The following VTI1B variants were observed in gnomAD, a reference collection of about 807,000 sequenced individuals.
VTI1B encodes the protein vesicle transport through interaction with t-SNAREs 1B.
In VTI1B, 18 loss-of-function variants were observed where a neutral mutation model predicts 28.6. That is an observed-to-expected ratio of 0.63 (90% CI 0.43 to 0.93). The LOEUF is 0.93. Ranked by LOEUF, VTI1B falls within the 40% of genes least tolerant of loss-of-function variation. VTI1B has a pLI of 0.00. For missense variants in VTI1B, 283 were observed against 297.0 expected, an observed-to-expected ratio of 0.95 and a Z score of 0.35; for synonymous variants, 100 against 107.9, an observed-to-expected ratio of 0.93 and a Z score of 0.46.
rs1364108257 is a variant in VTI1B at position 67,648,296 on chromosome 14, C to T, written c.*3089G>A. The T allele has an allele frequency of 1.2e-5, 15 of 1,274,748 alleles. No individual in the cohort carries two copies. The highest frequency in any genetic ancestry group is 1.6e-5 in the Non-Finnish European group (15 of 943,478). The allele number at this position is 1,274,748 out of a possible 1,614,324, so 79.0% of individuals were successfully genotyped here. The stretch of plus-strand genomic sequence containing the variant: ...CACATCATTGCAGAGTTTGTTTTTG[C>T]TTAAACTTTTGTAGCTAAAAATTAT... On this transcript the variant is annotated 3_prime_UTR_variant, in exon 6 of 6. Coordinates refer to ENST00000554659, the MANE Select transcript of VTI1B (RefSeq NM_006370.3).
chr14:67,672,885 C>T (rs1026418856), intron 1 of VTI1B, among the ~76,000 whole-genome samples: 3 of 152,232 alleles, frequency 2.0e-5, no homozygotes, highest in Middle Eastern at 3.2e-3. Flanking sequence ...CCCTGCTTAT[C>T]GCTCTCCTTT....
intron 1 of VTI1B, among the ~76,000 whole-genome samples, chr14:67,667,892 C>T (rs1489156983): frequency 6.6e-6 from 1 of 151,946 alleles, no homozygotes; most frequent in East Asian, 1.9e-4. Context: ...TGCAGTGAGC[C>T]GAGATCGCGC....
At chr14:67,664,534 T>C (rs2037377579) in intron 1 of VTI1B, among the ~76,000 whole-genome samples, 1 of 151,534 alleles carries the variant, frequency 6.6e-6, no homozygotes, top group South Asian at 2.1e-4. Context: ...TCTTGCTCTG[T>C]CTCCCAGGCT....
intron 1 of VTI1B, among the ~76,000 whole-genome samples, chr14:67,662,760 C>T (rs370950776): frequency 6.6e-6 from 1 of 151,914 alleles, no homozygotes; most frequent in Non-Finnish European, 1.5e-5. Flanking sequence ...AAAAATTAGC[C>T]GGGCGTGGTG....
chr14:67,672,859 GCCCTA>G (rs2037485844), intron 1 of VTI1B, among the ~76,000 whole-genome samples: 1 of 152,136 alleles, frequency 6.6e-6, no homozygotes, highest in African/African-American at 2.4e-5. Flanking sequence ...GGTCCACAAG[GCCCTA>G]CATGATCTGG....
In VTI1B at chr14:67,656,480, A is replaced by G; in HGVS notation, c.476T>C (p.Ile159Thr). ...SHRIATETDQIGSEIIEELGE... is the reference protein window; with the variant it reads ...SHRIATETDQTGSEIIEELGE... ...CAGCTCTTCTATGATTTCTGAGCCAATCTGGTCAGTCTCTGTGGCAATCCG... is the reference window on the plus strand; with the variant it reads ...CAGCTCTTCTATGATTTCTGAGCCAGTCTGGTCAGTCTCTGTGGCAATCCG... Residue 159 changes from isoleucine (I) to threonine (T), a missense_variant, in exon 4 of 6, where the codon ATT becomes ACT. Coordinates refer to ENST00000554659, the MANE Select transcript of VTI1B (RefSeq NM_006370.3). The G allele has an allele frequency of 1.2e-6, 2 of 1,613,494 alleles. No individual in the cohort carries two copies. The highest frequency in any genetic ancestry group is 1.7e-6 in the Non-Finnish European group (2 of 1,179,738).
intron 4 of VTI1B, among the ~76,000 whole-genome samples, 157 bp downstream of exon 4, chr14:67,656,259 A>C (rs2037255824): frequency 6.6e-6 from 1 of 152,012 alleles, no homozygotes; most frequent in African/African-American, 2.4e-5. Flanking sequence ...AAAAAAAAAA[A>C]AATTAATAAA....
At position 67,651,415 on chromosome 14, in the gene VTI1B, C is replaced by T. The variant is rs15493; in HGVS notation, c.669G>A (p.Leu223=). The stretch of plus-strand genomic sequence containing the variant: ...GGCTGCGAAAGAATTTGTAGTAAAC[C>T]AGGCCTCCCAGGATGGCGAGCTCCA... The part of the protein sequence containing the change: ...ILLELAILGG[L]VYYKFFRSH The change falls in exon 6 of 6, where the codon CTG becomes CTA. Residue 223 remains leucine, a synonymous_variant. Coordinates refer to ENST00000554659, the MANE Select transcript of VTI1B (RefSeq NM_006370.3). The T allele has an allele frequency of 0.06, 97,471 of 1,613,766 alleles. 5,094 individuals carry two copies. The highest frequency in any genetic ancestry group is 0.23 in the East Asian group (10,325 of 44,836).
chr14:67,658,427 T>C (rs2037293340), intron 3 of VTI1B, among the ~76,000 whole-genome samples: 1 of 151,960 alleles, frequency 6.6e-6, no homozygotes. Flanking sequence ...ACCCCGTCTC[T>C]ACTAAAAGTA....
At position 67,659,760 on chromosome 14, in the gene VTI1B, C is replaced by T; in HGVS notation, c.337G>A (p.Gly113Ser). The change falls in exon 3 of 6, where the codon GGC becomes AGC. Residue 113 changes from glycine (G) to serine (S), a missense_variant. Gly to Ser is a moderately conservative substitution (Grantham distance 56, BLOSUM62 0). Transcript: ENST00000554659. ...TPGGRGDMKYGIYAVENEHMN... is the reference protein window; with the variant it reads ...TPGGRGDMKYSIYAVENEHMN... ...TGCTCATTCTCTACAGCATATATGC[C>T]ATATTTCATGTCTCCTCGGCCTCCA... 8 of 1,613,530 alleles carry T rather than the reference C, an allele frequency of 5.0e-6. No individual in the cohort carries two copies. The East Asian group carries it at 1.3e-4, about 27-fold the overall frequency.
Position 67,651,264 on chromosome 14 carries a change from C to CTA in VTI1B, c.*119_*120dup. 1.3e-6 allele frequency: 2 copies of CTA among 1,572,884 alleles called. No individual in the cohort carries two copies. The highest frequency in any genetic ancestry group is 1.7e-6 in the Non-Finnish European group (2 of 1,160,324). On this transcript the variant is annotated 3_prime_UTR_variant, in exon 6 of 6. Transcript: ENST00000554659. ...TTTCCTCCCTCCTCCCACAGCCTGG[C>CTA]TATACAGTGCATCCTTGAACTGTCA...
chr14:67,667,898 C>T (rs779927501), intron 1 of VTI1B, among the ~76,000 whole-genome samples: 2 of 151,998 alleles, frequency 1.3e-5, no homozygotes, highest in African/African-American at 2.4e-5. Context: ...GAGCCGAGAT[C>T]GCGCCACTGC....
intron 1 of VTI1B, among the ~76,000 whole-genome samples, chr14:67,671,797 T>C (rs546614278): frequency 6.6e-6 from 1 of 152,170 alleles, no homozygotes; most frequent in Non-Finnish European, 1.5e-5. Flanking sequence ...TGGCAGAAGA[T>C]GGAAGGGCAA....
chr14:67,659,908 C>T lies in VTI1B; in HGVS notation c.189G>A (p.Glu63=). 2 of 1,613,188 alleles carry T rather than the reference C, an allele frequency of 1.2e-6. No homozygotes were observed. Among genetic ancestry groups the T allele is most frequent in the East Asian group, 2.2e-5 (1 of 44,858 alleles). The change falls in exon 3 of 6, where the codon GAG becomes GAA. Residue 63 remains glutamate, a synonymous_variant. Coordinates refer to ENST00000554659, the MANE Select transcript of VTI1B (RefSeq NM_006370.3). The stretch of plus-strand genomic sequence containing the variant: ...ACAGGGGTGCATAACGTAGCTCCTC[C>T]TCCATCTCTGCCAGCTGGGAAGGCA... The part of the protein sequence containing the change: ...QEANETLAEM[E]EELRYAPLSF...
chr14:67,662,676 C>T (rs1303202635), intron 1 of VTI1B, 141 bp from the exon 2 acceptor site: 5 of 758,420 alleles, frequency 6.6e-6, no homozygotes, highest in Non-Finnish European at 1.0e-5. Flanking sequence ...GAGGCCAAGG[C>T]AGGTGGATCA....
rs2037350871 is a variant in VTI1B at position 67,662,550 on chromosome 14, TAA to T, written c.116-17_116-16del. On this transcript the variant is annotated splice_polypyrimidine_tract_variant and intron_variant, in intron 1 of 5. Coordinates refer to ENST00000554659, the MANE Select transcript of VTI1B (RefSeq NM_006370.3). ...CTTCTTTTCTTCTAGAAAAGATAGATAAGTTTCAAATGCTTATTACTGTTTCC... is the reference window on the plus strand; with the variant it reads ...CTTCTTTTCTTCTAGAAAAGATAGATGTTTCAAATGCTTATTACTGTTTCC... The T allele has an allele frequency of 6.2e-7, 1 of 1,602,454 alleles. No homozygotes were observed. Among genetic ancestry groups the T allele is most frequent in the Non-Finnish European group, 8.5e-7 (1 of 1,172,912 alleles).
At position 67,650,105 on chromosome 14, in the gene VTI1B, T is replaced by C. The variant is rs1430853887; in HGVS notation, c.*1280A>G. Reference sequence around the variant, plus strand: ...TTTCTCTTGATCAAGTACAAGACACTGGGTCAGTCTGCTGGGAGACAAAAA... The same window carrying C: ...TTTCTCTTGATCAAGTACAAGACACCGGGTCAGTCTGCTGGGAGACAAAAA... On this transcript the variant is annotated 3_prime_UTR_variant, in exon 6 of 6. Coordinates refer to ENST00000554659, the MANE Select transcript of VTI1B (RefSeq NM_006370.3). 6.5e-6 allele frequency: 1 copy of C among 153,796 alleles called. No individual in the cohort carries two copies. Among genetic ancestry groups the C allele is most frequent in the Non-Finnish European group, 1.4e-5 (1 of 69,148 alleles). 9.5% of individuals were successfully genotyped at this position (153,796 alleles called of 1,614,324 possible).
At position 67,651,363 on chromosome 14, in the gene VTI1B, A is replaced by C. The variant is rs1185633320; in HGVS notation, c.*22T>G. The C allele has an allele frequency of 6.2e-7, 1 of 1,613,356 alleles. No individual in the cohort carries two copies. The highest frequency in any genetic ancestry group is 1.1e-5 in the South Asian group (1 of 91,044). On this transcript the variant is annotated 3_prime_UTR_variant, in exon 6 of 6. Transcript: ENST00000554659. ...ATTCACAAGGTCAAAGTTCTGGTCC[A>C]CAAACCCTTCCCTATAGAAGTTCAA...
At chr14:67,667,317 T>A (rs1453885398) in intron 1 of VTI1B, among the ~76,000 whole-genome samples, 4 of 152,196 alleles carry the variant, frequency 2.6e-5, no homozygotes, top group Non-Finnish European at 5.9e-5. Flanking sequence ...CATAAATATG[T>A]GGTTACTTTG....
Sources: gnomAD v4.1 joint callset for allele counts (sites outside exome capture counted in the v4.1 genomes callset) on GRCh38, gnomAD v4.1.1 for gene constraint, MANE v1.5 for transcripts, NCBI Gene and HGNC (gene_info 2026-07-23, HGNC 2026-07-21) for gene names.